The following CUX1 variants were observed in gnomAD, a reference collection of about 807,000 sequenced individuals.
CUX1 encodes the protein cut like homeobox 1, also known as protein CASP.
In CUX1, 31 loss-of-function variants were observed where a neutral mutation model predicts 158.8. The ratio of observed to expected loss-of-function variants is 0.20; its 90% CI spans 0.15 to 0.26. CUX1 has a LOEUF of 0.26. CUX1 is among the 10% of genes least tolerant of loss of function. The pLI, the probability that CUX1 is intolerant of heterozygous loss-of-function variation, is 1.00. For synonymous variants in CUX1, 879 were observed against 862.1 expected (o/e 1.02, Z -0.34); for missense variants, 1,589 against 2,014.6 (o/e 0.79, Z 4.04).
In CUX1 at chr7:102,277,394, G is replaced by A. The variant is rs143722955; in HGVS notation, c.1564-555G>A. Among the ~76,000 whole-genome samples the A allele has an allele frequency of 6.2e-3, 944 of 151,996 alleles. 13 individuals carry two copies. The highest frequency in any genetic ancestry group is 0.021 in the African/African-American group (886 of 41,462). ...GTGGATCACCTGAGATCAGGAGTTC[G>A]AGACCAGCCTGAACAAAATGGTAAA... is the stretch of plus-strand genomic sequence containing the variant. On this transcript the variant is annotated intron_variant, in intron 17 of 22. Transcript: ENST00000292538.
At chr7:102,225,922 A>G (rs1179420217) in intron 20 of CUX1, among the ~76,000 whole-genome samples, 1 of 152,262 alleles carries the variant, frequency 6.6e-6, no homozygotes, top group Non-Finnish European at 1.5e-5. Flanking sequence ...CTCAGTGGGC[A>G]TCAGGGGAGA....
intron 2 of CUX1, among the ~76,000 whole-genome samples, chr7:101,929,158 A>G (rs1806005556): frequency 6.6e-6 from 1 of 152,056 alleles, no homozygotes; most frequent in African/African-American, 2.4e-5. Flanking sequence ...CCTAGGCTAC[A>G]GAGTGAGACT....
At chr7:102,026,227 A>G (rs973302228) in intron 2 of CUX1, among the ~76,000 whole-genome samples, 3 of 152,138 alleles carry the variant, frequency 2.0e-5, no homozygotes, top group Non-Finnish European at 4.4e-5. Flanking sequence ...GTCCCTCTGC[A>G]ATGATGGAAA....
chr7:101,891,799 ATTTTC>A (rs1800902149), intron 1 of CUX1, among the ~76,000 whole-genome samples: 1 of 152,114 alleles, frequency 6.6e-6, no homozygotes, highest in African/African-American at 2.4e-5. Context: ...TCATCCTTTT[ATTTTC>A]TTCTCTAAAT....
intron 2 of CUX1, among the ~76,000 whole-genome samples, chr7:102,020,500 G>A (rs757537595): frequency 8.5e-5 from 13 of 152,172 alleles, no homozygotes; most frequent in East Asian, 1.9e-4. Context: ...GCTATCTAAC[G>A]TGACATCCAG....
chr7:102,175,188 C>T (rs1372853382), intron 10 of CUX1, among the ~76,000 whole-genome samples: 1 of 152,218 alleles, frequency 6.6e-6, no homozygotes, highest in Non-Finnish European at 1.5e-5. Flanking sequence ...CCACCCGCTG[C>T]CCGGTCCCCA....
chr7:101,838,523 C>G (rs1410888394), intron 1 of CUX1, among the ~76,000 whole-genome samples: 1 of 151,504 alleles, frequency 6.6e-6, no homozygotes, highest in Non-Finnish European at 1.5e-5. Context: ...TCTTCAGGGC[C>G]AGGCGCGGTA....
intron 20 of CUX1, among the ~76,000 whole-genome samples, chr7:102,215,955 A>AG (rs1455690579): frequency 6.6e-6 from 1 of 152,252 alleles, no homozygotes; most frequent in Non-Finnish European, 1.5e-5. Context: ...ATGTGCCTGC[A>AG]GGAAAGGAGC....
chr7:101,876,385 G>C lies in CUX1; in HGVS notation c.31-39730G>C, dbSNP rs115644538. Among the ~76,000 whole-genome samples the C allele has an allele frequency of 6.9e-3, 1,031 of 149,248 alleles. 10 individuals carry two copies. The highest frequency in any genetic ancestry group is 0.024 in the African/African-American group (953 of 40,444). On this transcript the variant is annotated intron_variant, in intron 1 of 23. Transcript: ENST00000292535. The stretch of plus-strand genomic sequence containing the variant: ...TGCAACAATTTTGTGTCCTAGCCTA[G>C]AGTTTACCGTGCTATTGAAAATATC...
intron 3 of CUX1, among the ~76,000 whole-genome samples, chr7:102,051,718 G>A (rs573162472): frequency 2.0e-5 from 3 of 151,666 alleles, no homozygotes; most frequent in East Asian, 3.9e-4. Context: ...AAATACCTCT[G>A]GGAGGATGCC....
At chr7:102,102,176 G>T (rs1244947953) in intron 5 of CUX1, among the ~76,000 whole-genome samples, 1 of 152,046 alleles carries the variant, frequency 6.6e-6, no homozygotes, top group Non-Finnish European at 1.5e-5. Context: ...GCTGTGCCCT[G>T]ATGGGATCGT....
At chr7:102,098,525 C>T (rs1003641441) in intron 5 of CUX1, among the ~76,000 whole-genome samples, 17 of 152,060 alleles carry the variant, frequency 1.1e-4, no homozygotes, top group Non-Finnish European at 2.2e-4. Context: ...GCGGGAGGAT[C>T]GCTTGAACCC....
intron 17 of CUX1, 59 bp downstream of exon 17, chr7:102,200,231 G>A: frequency 5.0e-6 from 7 of 1,406,416 alleles, no homozygotes; most frequent in Middle Eastern, 1.8e-4. Flanking sequence ...ATTGTCATGA[G>A]TGCTCTGGTC....
intron 8 of CUX1, among the ~76,000 whole-genome samples, chr7:102,158,226 CT>C (rs1563325292): frequency 6.6e-6 from 1 of 152,126 alleles, no homozygotes; most frequent in Admixed American, 6.6e-5. Flanking sequence ...ATTTCTCCCT[CT>C]TTTTTTCAGA....
chr7:102,216,372 C>G (rs1554524505), intron 20 of CUX1, among the ~76,000 whole-genome samples: 1 of 152,022 alleles, frequency 6.6e-6, no homozygotes, highest in East Asian at 1.9e-4. Context: ...TCTTCCAAGT[C>G]TCAGAAATCT....
At chr7:101,856,541 G>T (rs964834455) in intron 1 of CUX1, among the ~76,000 whole-genome samples, 1 of 152,124 alleles carries the variant, frequency 6.6e-6, no homozygotes, top group Admixed American at 6.6e-5. Flanking sequence ...CGTGTCATGC[G>T]TTCCCCAGCC....
rs147938441 is a variant in CUX1, at chr7:101,916,972, G to A, written c.141+747G>A. ...TGAGCAGTCGCGGGAATGGCTTTCC[G>A]GGTGACATCTGCCAGTTTGGTCCCC... On this transcript the variant is annotated intron_variant, in intron 2 of 23. Coordinates refer to ENST00000292535, the MANE Select transcript of CUX1 (RefSeq NM_181552.4). The surrounding 1 kb of genome is among the most constrained non-coding windows in gnomAD (Gnocchi z 4.4). Among the ~76,000 whole-genome samples, 626 of 151,442 alleles carry A rather than the reference G, an allele frequency of 4.1e-3. 3 individuals carry two copies. Among genetic ancestry groups the A allele is most frequent in the African/African-American group, 0.014 (586 of 41,300 alleles).
At chr7:101,910,067 A>C (rs1803246748) in intron 1 of CUX1, among the ~76,000 whole-genome samples, 1 of 152,090 alleles carries the variant, frequency 6.6e-6, no homozygotes, top group Admixed American at 6.5e-5. Flanking sequence ...TTACAGATGC[A>C]CACCACCATG....
chr7:102,027,810 C>T (rs907504317), intron 2 of CUX1, among the ~76,000 whole-genome samples: 2 of 152,176 alleles, frequency 1.3e-5, no homozygotes, highest in African/African-American at 2.4e-5. Context: ...TGCAGTGAGC[C>T]AGGGTTGTGC....
Sources: allele counts gnomAD v4.1 joint callset (sites outside exome capture counted in the v4.1 genomes callset), GRCh38; gene constraint gnomAD v4.1.1; non-coding constraint Gnocchi (gnomAD v3.1); transcripts MANE v1.5; gene names NCBI Gene and HGNC (gene_info 2026-07-23, HGNC 2026-07-21).